BFAR: variants seen among roughly 807,000 people sequenced by gnomAD.
The protein encoded by BFAR is bifunctional apoptosis regulator, also known as RING finger protein 47.
A neutral mutation model predicts 54.4 loss-of-function variants in BFAR; 52 were observed. The ratio of observed to expected loss-of-function variants is 0.96; its 90% confidence interval spans 0.77 to 1.21. The LOEUF is 1.21. BFAR is among the 50% of genes most tolerant of loss of function. BFAR has a pLI of 0.00. For missense variants in BFAR, 571 were observed against 534.0 expected (o/e 1.07, Z -0.68); for synonymous variants, 215 against 204.3 (o/e 1.05, Z -0.45).
chr16:14,636,867 G>GAGTTCCT (rs1276540925), intron 1 of BFAR, among the ~76,000 whole-genome samples: 1 of 152,224 alleles, frequency 6.6e-6, no homozygotes, highest in African/African-American at 2.4e-5. Context: ...GACTCTTAAG[G>GAGTTCCT]AGTATGCTGC....
intron 1 of BFAR, among the ~76,000 whole-genome samples, chr16:14,636,511 C>G (rs900005490): frequency 5.3e-5 from 8 of 152,202 alleles, no homozygotes; most frequent in Admixed American, 2.6e-4. Flanking sequence ...CCTGCATGTC[C>G]CACCTCCAGC....
chr16:14,645,315 AAAAG>A lies in BFAR; in HGVS notation c.263+727_263+730del, dbSNP rs564948559. Reference sequence around the variant, plus strand: ...ACAGAGCAAGACCCTGTCTCAAAAAAAAAGAAAGAAAGAAAGAAAGAAAGCAAAT... The same window carrying A: ...ACAGAGCAAGACCCTGTCTCAAAAAAAAAGAAAGAAAGAAAGAAAGCAAAT... On this transcript the variant is annotated intron_variant, in intron 2 of 7. Coordinates refer to ENST00000261658, the MANE Select transcript of BFAR (RefSeq NM_016561.3). Among the ~76,000 whole-genome samples the A allele has an allele frequency of 2.5e-3, 381 of 152,180 alleles. 1 individual carries two copies. Among genetic ancestry groups the A allele is most frequent in the Middle Eastern group, 0.024 (7 of 294 alleles).
In BFAR at chr16:14,649,807, G is replaced by A; in HGVS notation, c.472G>A (p.Val158Ile). 6.3e-7 allele frequency: 1 copy of A among 1,599,582 alleles called. No homozygotes were observed. The highest frequency in any genetic ancestry group is 8.5e-7 in the Non-Finnish European group (1 of 1,170,894). The change falls in exon 4 of 8, where the codon GTC (valine) becomes ATC (isoleucine). Residue 158 changes from valine to isoleucine, a missense_variant. Val to Ile is a conservative substitution (Grantham distance 29). Transcript: ENST00000261658. ...VLTALTGVAV[V>I]LLVYHWSSRE... Reference sequence around the variant, plus strand: ...AGTCCCTGTCACTTTTCCCCAGGTGGTCCTGCTCGTCTATCACTGGAGCAG... The same window carrying A: ...AGTCCCTGTCACTTTTCCCCAGGTGATCCTGCTCGTCTATCACTGGAGCAG...
Position 14,668,046 on chromosome 16 carries a change from G to A in BFAR, c.*219G>A, listed in dbSNP as rs1960493539. The A allele has an allele frequency of 1.8e-6, 1 of 559,602 alleles. No homozygotes were observed. The highest frequency in any genetic ancestry group is 3.1e-6 in the Non-Finnish European group (1 of 318,550). The allele number at this position is 559,602 out of a possible 1,614,324, so 34.7% of individuals were successfully genotyped here. ...CACAGGGAGGATTGTCTGTTTGGCT[G>A]ACACAGCAGCAGCCCTTCCCACCCA... On this transcript the variant is annotated 3_prime_UTR_variant, in exon 8 of 8. Coordinates refer to ENST00000261658, the MANE Select transcript of BFAR (RefSeq NM_016561.3).
At chr16:14,654,416 A>C (rs1028723897) in intron 4 of BFAR, among the ~76,000 whole-genome samples, 2 of 151,950 alleles carry the variant, frequency 1.3e-5, no homozygotes, top group East Asian at 3.9e-4. Context: ...CGTATAACTG[A>C]AAGATCAAAG....
intron 1 of BFAR, among the ~76,000 whole-genome samples, chr16:14,638,560 ATTTC>A (rs1596964204): frequency 2.0e-5 from 3 of 152,228 alleles, no homozygotes; most frequent in African/African-American, 7.2e-5. Context: ...AAAAATTACG[ATTTC>A]TTTATTTTCC....
At position 14,655,062 on chromosome 16, in the gene BFAR, A is replaced by G. The variant is rs375321868; in HGVS notation, c.639-4A>G. On this transcript the variant is annotated splice_region_variant and splice_polypyrimidine_tract_variant and intron_variant, in intron 4 of 7. Transcript: ENST00000261658. ...AAAATAAATCTCCTCCTGCCCCTCT[A>G]CAGGTTGCTTTTAACTTTGACAGAG... is the stretch of plus-strand genomic sequence containing the variant. 1.9e-6 allele frequency: 3 copies of G among 1,602,522 alleles called. No homozygotes were observed. The highest frequency in any genetic ancestry group is 1.8e-5 in the Admixed American group (1 of 56,488).
chr16:14,655,717 GGCGTCA>G (rs371861757), intron 5 of BFAR, among the ~76,000 whole-genome samples: 4 of 152,222 alleles, frequency 2.6e-5, no homozygotes, highest in African/African-American at 9.6e-5. Context: ...TGGGATTACA[GGCGTCA>G]GCCACCGCGC....
intron 1 of BFAR, 47 bp from the exon 2 acceptor site, chr16:14,644,227 A>T: frequency 9.4e-7 from 1 of 1,064,622 alleles, no homozygotes; most frequent in Non-Finnish European, 1.4e-6. Context: ...ACTGCTCTTC[A>T]AACAACTACT....
chr16:14,641,460 A>G (rs1174902425), intron 1 of BFAR, among the ~76,000 whole-genome samples: 1 of 152,024 alleles, frequency 6.6e-6, no homozygotes, highest in Non-Finnish European at 1.5e-5. Flanking sequence ...TTGCTGGTGC[A>G]GGAGGGTGTG....
intron 1 of BFAR, among the ~76,000 whole-genome samples, chr16:14,643,556 TA>T (rs950873312): frequency 3.4e-4 from 51 of 152,224 alleles, no homozygotes; most frequent in African/African-American, 1.2e-3. Flanking sequence ...TTTGTCACTT[TA>T]AAAAATTAGA....
intron 4 of BFAR, among the ~76,000 whole-genome samples, chr16:14,651,615 G>T (rs913714015): frequency 6.6e-6 from 1 of 151,798 alleles, no homozygotes; most frequent in African/African-American, 2.4e-5. Flanking sequence ...AAGTAGCTGG[G>T]ACTGCAGGCA....
intron 1 of BFAR, among the ~76,000 whole-genome samples, chr16:14,634,099 TC>T (rs1959355665): frequency 6.6e-6 from 1 of 152,178 alleles, no homozygotes; most frequent in Non-Finnish European, 1.5e-5. Flanking sequence ...TGTTAAGCCC[TC>T]AACTGTCGCC....
At chr16:14,637,251 T>C (rs955617204) in intron 1 of BFAR, among the ~76,000 whole-genome samples, 13 of 152,210 alleles carry the variant, frequency 8.5e-5, no homozygotes, top group Non-Finnish European at 1.6e-4. Context: ...ATCTCTATGA[T>C]GTGGCCTAGA....
chr16:14,634,994 TGTTGTGAA>T (rs1338682314), intron 1 of BFAR, among the ~76,000 whole-genome samples: 1 of 152,144 alleles, frequency 6.6e-6, no homozygotes, highest in Non-Finnish European at 1.5e-5. Flanking sequence ...GACCCAGCGA[TGTTGTGAA>T]GTTGTGTTAC....
chr16:14,636,421 G>A (rs1481474842), intron 1 of BFAR, among the ~76,000 whole-genome samples: 1 of 152,226 alleles, frequency 6.6e-6, no homozygotes, highest in East Asian at 1.9e-4. Context: ...CTGCATCATA[G>A]ACAAGGTAAA....
chr16:14,667,622 C>G lies in BFAR; in HGVS notation c.1161-13C>G, dbSNP rs1409369203. On this transcript the variant is annotated splice_polypyrimidine_tract_variant and intron_variant, in intron 7 of 7. Transcript: ENST00000261658. ...AAGCGCCTCCGATTCAGCCTCTTCT[C>G]TTCTTGTTTCAGGACCGTGCCTCAG... 6.2e-7 allele frequency: 1 copy of G among 1,611,152 alleles called. No homozygotes were observed. Among genetic ancestry groups the G allele is most frequent in the Admixed American group, 1.7e-5 (1 of 59,504 alleles).
At chr16:14,661,315 A>T (rs1455750628) in intron 5 of BFAR, among the ~76,000 whole-genome samples, 1 of 151,886 alleles carries the variant, frequency 6.6e-6, no homozygotes, top group Non-Finnish European at 1.5e-5. Flanking sequence ...ATAGCTTTTT[A>T]AAAAGGCTAT....
intron 7 of BFAR, among the ~76,000 whole-genome samples, chr16:14,665,800 T>C (rs1208478478): frequency 6.6e-6 from 1 of 152,188 alleles, no homozygotes; most frequent in Non-Finnish European, 1.5e-5. Context: ...TAGCATCCAA[T>C]ATAGAGTTGC....
Sources: allele counts gnomAD v4.1 joint callset (sites outside exome capture counted in the v4.1 genomes callset), GRCh38; gene constraint gnomAD v4.1.1; transcripts MANE v1.5; gene names NCBI Gene and HGNC (gene_info 2026-07-23, HGNC 2026-07-21).